TULP4: variants seen among roughly 807,000 people sequenced by gnomAD.
TULP4 encodes the protein TUB like protein 4.
Under a neutral mutation model 129.0 loss-of-function variants are expected in TULP4, and 16 were observed. The ratio of observed to expected loss-of-function variants is 0.12; its 90% CI spans 0.08 to 0.19. The LOEUF (loss-of-function observed/expected upper bound fraction) is 0.19. Among genes scored for constraint, TULP4 ranks in the 10% least tolerant of loss-of-function variants. The pLI, the probability that TULP4 is intolerant of heterozygous loss-of-function variation, is 1.00. For synonymous variants in TULP4, 998 were observed against 854.0 expected (o/e 1.17, Z -2.94); for missense variants, 1,842 against 2,059.1 (o/e 0.89, Z 2.04).
In TULP4 at chr6:158,508,023, T is replaced by C. The variant is rs1350406225; in HGVS notation, c.*1329T>C. 6.6e-6 allele frequency: 1 copy of C among 152,138 alleles called. No individual in the cohort carries two copies. The highest frequency in any genetic ancestry group is 6.5e-5 in the Admixed American group (1 of 15,278). The allele number at this position is 152,138 out of a possible 1,614,324, so 9.4% of individuals were successfully genotyped here. On this transcript the variant is annotated 3_prime_UTR_variant, in exon 14 of 14. Coordinates refer to ENST00000367097, the MANE Select transcript of TULP4 (RefSeq NM_020245.5). ...AAAATTGTAATACCTAGGTAGTTGG[T>C]TGATCACAGTTTGTTAATTGTATAA... is the stretch of plus-strand genomic sequence containing the variant.
rs890440270 is a variant in TULP4 at position 158,313,648 on chromosome 6, A to T, written c.-369A>T. 2 of 437,284 alleles carry T rather than the reference A, an allele frequency of 4.6e-6. No individual in the cohort carries two copies. Among genetic ancestry groups the T allele is most frequent in the Middle Eastern group, 5.8e-4 (1 of 1,718 alleles). The allele number at this position is 437,284 out of a possible 1,614,324, so 27.1% of individuals were successfully genotyped here. A position where few individuals can be genotyped will look rare whatever the true frequency, so the allele number is the denominator to read the frequency against. ...AAACTGGAATCTCAGGCTGAATGAG[A>T]ATAACCAAGTGGAGTAAAAAGAAGA... On this transcript the variant is annotated 5_prime_UTR_variant, in exon 1 of 14. Transcript: ENST00000367097.
intron 1 of TULP4, among the ~76,000 whole-genome samples, chr6:158,391,832 C>T (rs1403285652): frequency 3.5e-5 from 3 of 85,218 alleles, no homozygotes; most frequent in Non-Finnish European, 8.3e-5. Flanking sequence ...CCTAATGTTA[C>T]CTCTAGTGGC....
intron 1 of TULP4, among the ~76,000 whole-genome samples, chr6:158,393,001 ATC>A (rs201721925): frequency 3.1e-3 from 409 of 133,084 alleles, no homozygotes; most frequent in Middle Eastern, 7.4e-3. Flanking sequence ...AAAAAAAAAA[ATC>A]AACAACAAGT....
intron 1 of TULP4, among the ~76,000 whole-genome samples, chr6:158,318,231 G>A (rs185127199): frequency 4.3e-4 from 65 of 152,228 alleles, no homozygotes; most frequent in East Asian, 1.5e-3. Context: ...AAGCTGAGGC[G>A]GGAAGATTGC....
At chr6:158,494,315 T>C (rs1414054796) in intron 10 of TULP4, among the ~76,000 whole-genome samples, 1 of 152,228 alleles carries the variant, frequency 6.6e-6, no homozygotes, top group Non-Finnish European at 1.5e-5. Context: ...ATCTTTATTT[T>C]TGCCCTTGCA....
intron 2 of TULP4, among the ~76,000 whole-genome samples, chr6:158,428,968 G>A (rs1778566174): frequency 6.6e-6 from 1 of 152,318 alleles, no homozygotes; most frequent in East Asian, 1.9e-4. Context: ...ACTGAAGTCA[G>A]TTTCAATCAT....
Position 158,508,583 on chromosome 6 carries a change from T to C in TULP4, c.*1889T>C, listed in dbSNP as rs1049893969. 3 of 152,676 alleles carry C rather than the reference T, an allele frequency of 2.0e-5. No homozygotes were observed. Among genetic ancestry groups the C allele is most frequent in the African/African-American group, 7.2e-5 (3 of 41,456 alleles). The allele number at this position is 152,676 out of a possible 1,614,324, so 9.5% of individuals were successfully genotyped here. A position where few individuals can be genotyped will look rare whatever the true frequency, so the allele number is the denominator to read the frequency against. On this transcript the variant is annotated 3_prime_UTR_variant, in exon 14 of 14. Coordinates refer to ENST00000367097, the MANE Select transcript of TULP4 (RefSeq NM_020245.5). ...TTCTTCCAGAAAGAATTCAGCAATG[T>C]TATCAGAATTAATTCTTTTATATGA... is the stretch of plus-strand genomic sequence containing the variant.
chr6:158,380,096 T>G (rs1777287894), intron 1 of TULP4, among the ~76,000 whole-genome samples: 2 of 152,174 alleles, frequency 1.3e-5, no homozygotes, highest in African/African-American at 4.8e-5. Context: ...CTAAAGATGC[T>G]GCCTAGGTCC....
chr6:158,471,431 G>A (rs1779680372), intron 6 of TULP4, among the ~76,000 whole-genome samples: 1 of 152,196 alleles, frequency 6.6e-6, no homozygotes. Flanking sequence ...AACTGCTAAG[G>A]ATACTATGGA....
At chr6:158,308,580 G>A (rs1265672075), upstream of TULP4, among the ~76,000 whole-genome samples, 6 of 151,824 alleles carry the variant, frequency 4.0e-5, no homozygotes, top group Non-Finnish European at 7.4e-5. Context: ...AGGGGTGGCC[G>A]GGCAGAGGTG....
At chr6:158,361,676 GT>G (rs1207663125) in intron 1 of TULP4, among the ~76,000 whole-genome samples, 4 of 152,054 alleles carry the variant, frequency 2.6e-5, no homozygotes, top group Non-Finnish European at 5.9e-5. Context: ...CTTTCTCATT[GT>G]AAAAGACCTG....
intron 1 of TULP4, among the ~76,000 whole-genome samples, chr6:158,378,485 T>TTTTTTTGG (rs1554285635): frequency 3.2e-3 from 165 of 51,332 alleles, no homozygotes; most frequent in Admixed American, 3.9e-3. Flanking sequence ...TTTTTTTTTT[T>TTTTTTTGG]GGTGGGGGTG....
intron 1 of TULP4, among the ~76,000 whole-genome samples, chr6:158,288,205 T>C (rs184913392): frequency 1.3e-5 from 2 of 152,336 alleles, no homozygotes; most frequent in Admixed American, 1.3e-4. Context: ...TCACCTTTAA[T>C]AATTTGCATG....
In TULP4 at chr6:158,236,802, T is replaced by C. The variant is rs1331609643; in HGVS notation, n.68+4499T>C. On this transcript the variant is annotated intron_variant and non_coding_transcript_variant, in intron 1 of 1. Transcript: ENST00000620026. ...TAAATGCCCAATTCTTTTCTTTTTT[T>C]TTTTTTTTTTTTTTTTTTTTTTTTT... 5.9e-3 allele frequency among the ~76,000 whole-genome samples: 202 copies of C among 34,048 alleles called. 4 individuals are homozygous for C. Among genetic ancestry groups the C allele is most frequent in the African/African-American group, 0.02 (189 of 9,236 alleles). The allele number at this position is 34,048 out of a possible 152,430, so 22.3% of individuals were successfully genotyped here. A position where few individuals can be genotyped will look rare whatever the true frequency, so the allele number is the denominator to read the frequency against.
rs1437436444 is a variant in TULP4 at position 158,392,862 on chromosome 6, G to A, written c.253-20203G>A. Among the ~76,000 whole-genome samples the A allele has an allele frequency of 1.1e-3, 144 of 131,988 alleles. 2 individuals carry two copies. The highest frequency in any genetic ancestry group is 7.4e-4 in the South Asian group (3 of 4,062). The allele number at this position is 131,988 out of a possible 152,430, so 86.6% of individuals were successfully genotyped here. On this transcript the variant is annotated intron_variant, in intron 1 of 13. Coordinates refer to ENST00000367097, the MANE Select transcript of TULP4 (RefSeq NM_020245.5). ...CATTGCCAGGCTGGAGTGCAGTGGCGTGATCTCGGCTTGCTGCAACCTCCA... is the reference window on the plus strand; with the variant it reads ...CATTGCCAGGCTGGAGTGCAGTGGCATGATCTCGGCTTGCTGCAACCTCCA...
chr6:158,286,382 G>A (rs1447916541), intron 1 of TULP4, among the ~76,000 whole-genome samples: 2 of 152,040 alleles, frequency 1.3e-5, no homozygotes, highest in African/African-American at 4.8e-5. Context: ...GTTTTCTCTC[G>A]CAATTATTTC....
At chr6:158,484,768 C>T (rs987759357) in intron 8 of TULP4, among the ~76,000 whole-genome samples, 27 of 152,270 alleles carry the variant, frequency 1.8e-4, no homozygotes, top group Non-Finnish European at 5.9e-5. Flanking sequence ...CTTGAGACTG[C>T]TCAGCCTCCA....
intron 1 of TULP4, among the ~76,000 whole-genome samples, chr6:158,352,554 G>T (rs766750872): frequency 1.3e-5 from 2 of 152,110 alleles, no homozygotes; most frequent in African/African-American, 4.8e-5. Context: ...CCACCACCAC[G>T]CCTGGCTAAT....
intron 1 of TULP4, among the ~76,000 whole-genome samples, chr6:158,395,456 C>G (rs1777687554): frequency 6.6e-6 from 1 of 151,944 alleles, no homozygotes; most frequent in South Asian, 2.1e-4. Flanking sequence ...TGGTACTTGC[C>G]TGTAATCCCA....
Sources: allele counts gnomAD v4.1 joint callset (sites outside exome capture counted in the v4.1 genomes callset), GRCh38; gene constraint gnomAD v4.1.1; transcripts MANE v1.5; gene names NCBI Gene and HGNC (gene_info 2026-07-23, HGNC 2026-07-21).